ROBO2: variants seen among roughly 807,000 people sequenced by gnomAD.
ROBO2 encodes roundabout guidance receptor 2.
In ROBO2, 53 loss-of-function variants were observed where a neutral mutation model predicts 160.8. The observed-to-expected ratio is 0.33, with a 90% confidence interval of 0.26 to 0.41. ROBO2 has a LOEUF of 0.41. Ranked by LOEUF, ROBO2 falls within the 10% of genes least tolerant of loss-of-function variation. The pLI is 1.00. For missense variants in ROBO2, 1,577 were observed against 1,722.4 expected, an observed-to-expected ratio of 0.92 and a Z score of 1.49; for synonymous variants, 664 against 611.7, an observed-to-expected ratio of 1.09 and a Z score of -1.26.
chr3:76,194,683 A>C (rs561598883), intron 2 of ROBO2, among the ~76,000 whole-genome samples: 8 of 151,538 alleles, frequency 5.3e-5, no homozygotes, highest in Non-Finnish European at 8.8e-5. Context: ...GCAGTGGCAC[A>C]ATCTCGACTC....
intron 2 of ROBO2, among the ~76,000 whole-genome samples, chr3:76,755,263 A>T (rs937742411): frequency 1.3e-5 from 2 of 151,864 alleles, no homozygotes; most frequent in Admixed American, 6.6e-5. Flanking sequence ...TGAGACAAGT[A>T]CTTTCTAGAT....
At chr3:76,534,905 G>A (rs1017711117) in intron 2 of ROBO2, among the ~76,000 whole-genome samples, 1 of 151,994 alleles carries the variant, frequency 6.6e-6, no homozygotes, top group African/African-American at 2.4e-5. Context: ...GAAATGGGCT[G>A]TAAAGAAGAA....
chr3:77,480,248 A>T (rs1038346641), intron 3 of ROBO2, among the ~76,000 whole-genome samples: 1 of 151,712 alleles, frequency 6.6e-6, no homozygotes, highest in Admixed American at 6.6e-5. Context: ...CTTATCTTGT[A>T]TTTCTTCAAG....
chr3:76,118,523 C>T (rs887696264), intron 2 of ROBO2, among the ~76,000 whole-genome samples: 3 of 152,074 alleles, frequency 2.0e-5, no homozygotes. Flanking sequence ...CAGATTCTTT[C>T]CCTTCAAAAG....
chr3:76,912,483 T>C (rs2076051898), intron 2 of ROBO2, among the ~76,000 whole-genome samples: 1 of 152,188 alleles, frequency 6.6e-6, no homozygotes, highest in African/African-American at 2.4e-5. Context: ...AAGGCTAAAA[T>C]GTCATTTGGT....
intron 2 of ROBO2, chr3:76,433,888 T>G: frequency 1.7e-6 from 1 of 587,758 alleles, no homozygotes; most frequent in Non-Finnish European, 3.1e-6. Context: ...CTTTGAAGTT[T>G]GCAAGCTGTT....
intron 2 of ROBO2, among the ~76,000 whole-genome samples, chr3:76,027,877 T>C (rs527591833): frequency 3.3e-5 from 5 of 152,094 alleles, no homozygotes; most frequent in African/African-American, 1.2e-4. Flanking sequence ...AATCTGACAA[T>C]CCTATGTTAG....
intron 2 of ROBO2, among the ~76,000 whole-genome samples, chr3:76,373,523 C>A (rs77521042): frequency 0.046 from 7,062 of 151,884 alleles, 425 homozygotes; most frequent in African/African-American, 0.13. Flanking sequence ...TATCATAGTA[C>A]GTATTGTATT....
In ROBO2 at chr3:77,487,382, G is replaced by A. The variant is rs1268035811; in HGVS notation, c.668-5862G>A. On this transcript the variant is annotated intron_variant, in intron 4 of 25. Coordinates refer to ENST00000461745, the Ensembl canonical transcript of ROBO2. ...GTTATCAGCAATAACATGAAATTTT[G>A]CCTCTAATATGTGGTGAGAGAGGCA... Among the ~76,000 whole-genome samples the A allele has an allele frequency of 5.3e-5, 8 of 152,010 alleles. No individual in the cohort carries two copies. The South Asian group carries it at 1.7e-3, about 31-fold the overall frequency.
At chr3:76,894,001 G>A (rs2074566165) in intron 2 of ROBO2, among the ~76,000 whole-genome samples, 1 of 151,996 alleles carries the variant, frequency 6.6e-6, no homozygotes, top group African/African-American at 2.4e-5. Flanking sequence ...AGACGATTTT[G>A]CCTAACTGAT....
At chr3:76,767,877 A>G (rs1227036374) in intron 2 of ROBO2, among the ~76,000 whole-genome samples, 1 of 151,456 alleles carries the variant, frequency 6.6e-6, no homozygotes, top group Non-Finnish European at 1.5e-5. Context: ...CTAAATCACT[A>G]TTTTGTGGAC....
chr3:76,912,461 T>C (rs1577427065), intron 2 of ROBO2, among the ~76,000 whole-genome samples: 1 of 152,338 alleles, frequency 6.6e-6, no homozygotes, highest in East Asian at 1.9e-4. Flanking sequence ...TCAAGGAACA[T>C]AAGTTGTTTA....
intron 2 of ROBO2, among the ~76,000 whole-genome samples, chr3:76,092,689 C>A (rs1379515135): frequency 6.6e-6 from 1 of 152,124 alleles, no homozygotes; most frequent in South Asian, 2.1e-4. Flanking sequence ...GCCTCTTCAG[C>A]TACATACTTT....
intron 2 of ROBO2, among the ~76,000 whole-genome samples, chr3:77,425,081 G>A (rs1044255388): frequency 2.0e-5 from 3 of 151,904 alleles, no homozygotes; most frequent in Admixed American, 6.6e-5. Flanking sequence ...TTGAGTGAAA[G>A]GCAAATTGGT....
At chr3:76,714,358 C>T (rs776038546) in intron 2 of ROBO2, among the ~76,000 whole-genome samples, 2 of 152,022 alleles carry the variant, frequency 1.3e-5, no homozygotes, top group Non-Finnish European at 2.9e-5. Context: ...CAGGCGTGGA[C>T]GGGTGGGATC....
At chr3:77,488,728 TG>T (rs903086619) in intron 4 of ROBO2, among the ~76,000 whole-genome samples, 10 of 152,162 alleles carry the variant, frequency 6.6e-5, no homozygotes, top group African/African-American at 1.9e-4. Flanking sequence ...TTTTAAAATT[TG>T]TGTCTGAAAG....
chr3:76,925,779 G>A (rs1263916006), intron 2 of ROBO2, among the ~76,000 whole-genome samples: 6 of 152,078 alleles, frequency 3.9e-5, no homozygotes, highest in East Asian at 1.9e-4. Context: ...TCTGGTGACC[G>A]AAACAAGTTG....
rs189160683 is a variant in ROBO2, at chr3:77,531,888, T to G, written c.934+8986T>G. 3.6e-3 allele frequency among the ~76,000 whole-genome samples: 555 copies of G among 152,210 alleles called. 3 individuals carry two copies. The highest frequency in any genetic ancestry group is 0.027 in the Middle Eastern group (8 of 294). On this transcript the variant is annotated intron_variant, in intron 6 of 25. Transcript: ENST00000461745. ...AGGTAATCATCTCCCTCCTGAGAGCTCTTAATGTTTCCTGCACCTGGCACT... is the reference window on the plus strand; with the variant it reads ...AGGTAATCATCTCCCTCCTGAGAGCGCTTAATGTTTCCTGCACCTGGCACT...
In ROBO2 at chr3:77,460,093, T is replaced by C. The variant is rs572290567; in HGVS notation, c.389-17321T>C. 2.4e-4 allele frequency among the ~76,000 whole-genome samples: 36 copies of C among 152,214 alleles called. No individual in the cohort carries two copies. The East Asian group carries it at 5.2e-3, about 22-fold the overall frequency. On this transcript the variant is annotated intron_variant, in intron 2 of 25. Coordinates refer to ENST00000461745, the Ensembl canonical transcript of ROBO2. ...TAAGATTGTTGAGTTGGCTGCTGTG[T>C]ACTCTGAGAGATGTTGGTGACTCAG...
Sources: gnomAD v4.1 joint callset for allele counts (sites outside exome capture counted in the v4.1 genomes callset) on GRCh38, gnomAD v4.1.1 for gene constraint, MANE v1.5 for transcripts, NCBI Gene and HGNC (gene_info 2026-07-23, HGNC 2026-07-21) for gene names.